The following ADGRL3 variants were observed in gnomAD, a reference collection of about 807,000 sequenced individuals.
ADGRL3 encodes the protein adhesion G protein-coupled receptor L3, also known as calcium-independent alpha-latrotoxin receptor 3.
A neutral mutation model predicts 153.5 loss-of-function variants in ADGRL3; 62 were observed. That is an observed-to-expected ratio of 0.40 (90% CI 0.33 to 0.50). The LOEUF (loss-of-function observed/expected upper bound fraction) is 0.50, where lower values mean the gene tolerates loss of function less well. ADGRL3 is among the 20% of genes least tolerant of loss of function. The pLI is 0.47. For synonymous variants in ADGRL3, 710 were observed against 672.5 expected, an observed-to-expected ratio of 1.06 and a Z score of -0.86; for missense variants, 1,641 against 1,859.4, an observed-to-expected ratio of 0.88 and a Z score of 2.16.
chr4:61,770,203 C>CAGG (rs2097067031), intron 8 of ADGRL3, among the ~76,000 whole-genome samples: 1 of 152,166 alleles, frequency 6.6e-6, no homozygotes, highest in Admixed American at 6.5e-5. Flanking sequence ...TTAGGGTTAC[C>CAGG]TGTTTACCTA....
chr4:61,581,989 CTTG>C (rs1321907380), intron 4 of ADGRL3, among the ~76,000 whole-genome samples: 2 of 151,820 alleles, frequency 1.3e-5, no homozygotes, highest in African/African-American at 2.4e-5. Flanking sequence ...TGATAGATTT[CTTG>C]TTGTTTTGCT....
chr4:61,475,021 C>G (rs960362524), intron 2 of ADGRL3, among the ~76,000 whole-genome samples: 1 of 152,034 alleles, frequency 6.6e-6, no homozygotes, highest in Non-Finnish European at 1.5e-5. Context: ...TCATAACAAT[C>G]AATTAAACCA....
chr4:62,068,197 G>C lies in ADGRL3; in HGVS notation c.3832+14G>C. On this transcript the variant is annotated intron_variant, in intron 26 of 26. Coordinates refer to ENST00000683033, the MANE Select transcript of ADGRL3 (RefSeq NM_001387552.1). ...ACAGAGAGACAAGTATGGGAGTAAAGCTAAACATTGCATATCAAATGTAAT... is the reference window on the plus strand; with the variant it reads ...ACAGAGAGACAAGTATGGGAGTAAACCTAAACATTGCATATCAAATGTAAT... 6.3e-7 allele frequency: 1 copy of C among 1,578,210 alleles called. No individual in the cohort carries two copies. Among genetic ancestry groups the C allele is most frequent in the Non-Finnish European group, 8.6e-7 (1 of 1,169,056 alleles).
intron 9 of ADGRL3, among the ~76,000 whole-genome samples, chr4:61,853,908 C>T (rs2098235958): frequency 6.6e-6 from 1 of 152,196 alleles, no homozygotes; most frequent in Non-Finnish European, 1.5e-5. Flanking sequence ...AGCCTCTTCT[C>T]TATAGCCTGA....
chr4:62,010,941 C>G (rs550575100), intron 21 of ADGRL3, among the ~76,000 whole-genome samples: 3 of 151,776 alleles, frequency 2.0e-5, no homozygotes, highest in Admixed American at 1.3e-4. Flanking sequence ...GTTTCAAAAC[C>G]AAGTTCATAT....
At chr4:61,323,152 C>T (rs929010519) in intron 1 of ADGRL3, among the ~76,000 whole-genome samples, 1 of 152,196 alleles carries the variant, frequency 6.6e-6, no homozygotes, top group Admixed American at 6.5e-5. Context: ...ACATTGGACC[C>T]TTTTAGTCAG....
chr4:61,773,888 A>T (rs947951794), intron 8 of ADGRL3, among the ~76,000 whole-genome samples: 5 of 152,186 alleles, frequency 3.3e-5, no homozygotes, highest in African/African-American at 1.2e-4. Flanking sequence ...AAGGAAAAGA[A>T]CTTTGAGCTT....
intron 3 of ADGRL3, among the ~76,000 whole-genome samples, chr4:61,509,577 T>A (rs557912600): frequency 2.6e-5 from 4 of 152,208 alleles, no homozygotes; most frequent in East Asian, 1.9e-4. Context: ...CCTGATTTCA[T>A]TATTTTTTAT....
At chr4:61,373,440 G>T (rs1468549928) in intron 1 of ADGRL3, among the ~76,000 whole-genome samples, 2 of 152,080 alleles carry the variant, frequency 1.3e-5, no homozygotes, top group Non-Finnish European at 2.9e-5. Flanking sequence ...TATCCCATAT[G>T]AATTTGAGAA....
intron 25 of ADGRL3, among the ~76,000 whole-genome samples, chr4:62,065,439 G>C (rs1260578428): frequency 1.3e-5 from 2 of 151,930 alleles, no homozygotes; most frequent in Non-Finnish European, 2.9e-5. Context: ...ATAAAGGCTT[G>C]TTTTATTTTG....
intron 19 of ADGRL3, among the ~76,000 whole-genome samples, chr4:61,995,242 T>C (rs1157817233): frequency 6.6e-6 from 1 of 151,922 alleles, no homozygotes; most frequent in African/African-American, 2.4e-5. Context: ...CATACGTAGA[T>C]CTACTTCCTC....
chr4:61,932,013 A>G (rs918596383), intron 13 of ADGRL3, among the ~76,000 whole-genome samples: 1 of 152,064 alleles, frequency 6.6e-6, no homozygotes, highest in Admixed American at 6.6e-5. Flanking sequence ...ATATTTACAC[A>G]CGTACACACA....
rs187447189 is a variant in ADGRL3, at chr4:61,222,358, A to G, written c.-240+20593A>G. On this transcript the variant is annotated intron_variant, in intron 1 of 26. Transcript: ENST00000683033. The stretch of plus-strand genomic sequence containing the variant: ...ATGGAGTACATAGCACTCTGTTGAT[A>G]TATAATATAGAGTGATCAGATTAGG... 4.1e-3 allele frequency among the ~76,000 whole-genome samples: 621 copies of G among 152,242 alleles called. 4 individuals carry two copies. Among genetic ancestry groups the G allele is most frequent in the African/African-American group, 0.014 (594 of 41,568 alleles).
chr4:61,730,451 A>T (rs1173272631), intron 6 of ADGRL3, among the ~76,000 whole-genome samples, 171 bp from the exon 7 acceptor site: 1 of 151,888 alleles, frequency 6.6e-6, no homozygotes, highest in Non-Finnish European at 1.5e-5. Flanking sequence ...AAATAACTGT[A>T]TTAGAGAGAT....
intron 21 of ADGRL3, among the ~76,000 whole-genome samples, chr4:62,006,003 C>CACACACACACATATAT (rs1230956055): frequency 8.2e-5 from 4 of 48,984 alleles, no homozygotes; most frequent in African/African-American, 1.5e-4. Context: ...CACACACACA[C>CACACACACACATATAT]ATATATATAT....
chr4:61,482,030 G>A (rs888557335), intron 2 of ADGRL3, among the ~76,000 whole-genome samples: 3 of 152,056 alleles, frequency 2.0e-5, no homozygotes, highest in Non-Finnish European at 4.4e-5. Context: ...CAAAAAGAAA[G>A]AAGAAAATAA....
chr4:61,846,888 TCTCATAAGAA>T (rs1330043024), intron 9 of ADGRL3, among the ~76,000 whole-genome samples: 1 of 150,428 alleles, frequency 6.6e-6, no homozygotes, highest in African/African-American at 2.5e-5. Flanking sequence ...AATGACGAGA[TCTCATAAGAA>T]CTCATCATCA....
intron 25 of ADGRL3, among the ~76,000 whole-genome samples, chr4:62,059,940 G>GA (rs1457587468): frequency 5.3e-5 from 8 of 152,112 alleles, no homozygotes; most frequent in African/African-American, 1.9e-4. Flanking sequence ...CACAAAAACT[G>GA]AAAAGGAAAC....
rs1025704388 is a variant in ADGRL3 at position 61,228,354 on chromosome 4, T to C, written c.-240+26589T>C. ...TACTGATACTAACATTTTATTTTTA[T>C]CCCATTTCAGTGATCTCAGTAGCAT... On this transcript the variant is annotated intron_variant, in intron 1 of 26. Coordinates refer to ENST00000683033, the MANE Select transcript of ADGRL3 (RefSeq NM_001387552.1). Among the ~76,000 whole-genome samples the C allele has an allele frequency of 2.0e-5, 3 of 152,192 alleles. No homozygotes were observed. The South Asian group carries it at 6.2e-4, about 32-fold the overall frequency.
Sources: allele counts gnomAD v4.1 joint callset (sites outside exome capture counted in the v4.1 genomes callset), GRCh38; gene constraint gnomAD v4.1.1; transcripts MANE v1.5; gene names NCBI Gene and HGNC (gene_info 2026-07-23, HGNC 2026-07-21).